KHDRBS3: variants seen among roughly 807,000 people sequenced by gnomAD.
KHDRBS3 encodes KH domain-containing, RNA-binding, signal transduction-associated protein 3.
A neutral mutation model predicts 45.6 loss-of-function variants in KHDRBS3; 23 were observed. The observed-to-expected ratio is 0.50, with a 90% CI of 0.36 to 0.72. The LOEUF is 0.72. Ranked by LOEUF, KHDRBS3 falls within the 30% of genes least tolerant of loss-of-function variation. The probability of loss-of-function intolerance (pLI) is 0.00; values close to 1 mark genes in which losing one functional copy is unlikely to be tolerated. For synonymous variants in KHDRBS3, 162 were observed against 156.5 expected (o/e 1.04, Z -0.26); for missense variants, 352 against 424.8 (o/e 0.83, Z 1.51).
intron 1 of KHDRBS3, among the ~76,000 whole-genome samples, chr8:135,477,547 T>C (rs1207430692): frequency 6.6e-6 from 1 of 152,242 alleles, no homozygotes; most frequent in Non-Finnish European, 1.5e-5. Context: ...CCTGATGAGC[T>C]CAGTGACATG....
intron 1 of KHDRBS3, among the ~76,000 whole-genome samples, chr8:135,477,967 T>C (rs1403391617): frequency 1.3e-5 from 2 of 152,226 alleles, no homozygotes; most frequent in Non-Finnish European, 2.9e-5. Context: ...CATTACCACC[T>C]GAGCGCTGCC....
intron 1 of KHDRBS3, among the ~76,000 whole-genome samples, chr8:135,480,417 T>G (rs1441355775): frequency 6.6e-6 from 1 of 152,148 alleles, no homozygotes; most frequent in African/African-American, 2.4e-5. Flanking sequence ...CTAATTAATT[T>G]TAGGACATTT....
intron 3 of KHDRBS3, among the ~76,000 whole-genome samples, chr8:135,545,740 C>T (rs919969274): frequency 2.0e-5 from 3 of 152,166 alleles, no homozygotes; most frequent in African/African-American, 4.8e-5. Flanking sequence ...ATTTTTGTCC[C>T]ATACTGCGCT....
At chr8:135,513,569 GT>G in intron 1 of KHDRBS3, among the ~76,000 whole-genome samples, 1 of 151,988 alleles carries the variant, frequency 6.6e-6, no homozygotes, top group East Asian at 1.9e-4. Flanking sequence ...ACTCTCTGAG[GT>G]TTTATGTTTT....
chr8:135,496,723 T>C (rs116801174), intron 1 of KHDRBS3, among the ~76,000 whole-genome samples: 17 of 152,332 alleles, frequency 1.1e-4, no homozygotes, highest in African/African-American at 4.1e-4. Context: ...ACAAAGTGGT[T>C]TAAAACAGTG....
intron 7 of KHDRBS3, among the ~76,000 whole-genome samples, chr8:135,632,301 G>T (rs1830637720): frequency 2.0e-5 from 3 of 152,080 alleles, no homozygotes; most frequent in Non-Finnish European, 4.4e-5. Context: ...CACCATCTCA[G>T]AGCCTCTGGG....
chr8:135,540,839 T>C (rs1826012434), intron 2 of KHDRBS3: 1 of 152,156 alleles, frequency 6.6e-6, no homozygotes, highest in Non-Finnish European at 1.5e-5. Flanking sequence ...GAACTTCCAG[T>C]CAGCAATCCG....
At chr8:135,531,310 G>A (rs1825463251) in intron 2 of KHDRBS3, among the ~76,000 whole-genome samples, 1 of 151,984 alleles carries the variant, frequency 6.6e-6, no homozygotes, top group Non-Finnish European at 1.5e-5. Context: ...AGTCAATGGA[G>A]TAACACCAAA....
intron 1 of KHDRBS3, among the ~76,000 whole-genome samples, chr8:135,515,860 A>G (rs908259584): frequency 6.6e-6 from 1 of 152,202 alleles, no homozygotes; most frequent in Non-Finnish European, 1.5e-5. Context: ...TCTGTACCCT[A>G]TCTACTTTGT....
chr8:135,622,933 C>T (rs937416737), intron 7 of KHDRBS3, among the ~76,000 whole-genome samples: 7 of 152,204 alleles, frequency 4.6e-5, no homozygotes, highest in African/African-American at 1.7e-4. Flanking sequence ...ATTTCATTTG[C>T]GGCAGCCTTC....
intron 6 of KHDRBS3, among the ~76,000 whole-genome samples, chr8:135,583,731 A>G (rs908686786): frequency 6.6e-6 from 1 of 152,174 alleles, no homozygotes; most frequent in Non-Finnish European, 1.5e-5. Context: ...TCCATTCAAT[A>G]AAGATTGGAT....
intron 7 of KHDRBS3, among the ~76,000 whole-genome samples, chr8:135,628,225 G>C (rs1037338177): frequency 6.6e-6 from 1 of 151,854 alleles, no homozygotes. Flanking sequence ...TCCATTCCCC[G>C]GTTGACACTT....
chr8:135,522,510 G>A (rs893419401), intron 2 of KHDRBS3, among the ~76,000 whole-genome samples: 1 of 152,148 alleles, frequency 6.6e-6, no homozygotes, highest in African/African-American at 2.4e-5. Flanking sequence ...CTTATACCTT[G>A]TACCATTTCC....
Position 135,529,486 on chromosome 8 carries a change from GTGAAAATAAAATTGAAATT to G in KHDRBS3, c.207+8145_207+8163del, listed in dbSNP as rs569995438. ...CTTGAACTTAAATTTGAAACTTAAA[GTGAAAATAAAATTGAAATT>G]TGAAAATAAAATTTTCAGTAAAATT... On this transcript the variant is annotated intron_variant, in intron 2 of 8. Transcript: ENST00000355849. Among the ~76,000 whole-genome samples the G allele has an allele frequency of 5.8e-3, 878 of 152,220 alleles. 4 individuals carry two copies. The highest frequency in any genetic ancestry group is 0.01 in the Middle Eastern group (3 of 294).
At chr8:135,598,171 G>A (rs1490123462) in intron 6 of KHDRBS3, among the ~76,000 whole-genome samples, 16 of 152,166 alleles carry the variant, frequency 1.1e-4, no homozygotes, top group Admixed American at 1.0e-3. Context: ...AAAGTTTTAA[G>A]AATTCATCAT....
At chr8:135,572,598 CCAG>C (rs1466179509) in intron 5 of KHDRBS3, among the ~76,000 whole-genome samples, 4 of 152,198 alleles carry the variant, frequency 2.6e-5, no homozygotes, top group Non-Finnish European at 4.4e-5. Flanking sequence ...GGTTTGCAGA[CCAG>C]CAGCAGTGCT....
intron 5 of KHDRBS3, among the ~76,000 whole-genome samples, chr8:135,564,910 G>T (rs531522668): frequency 2.6e-5 from 4 of 152,120 alleles, no homozygotes; most frequent in Admixed American, 2.6e-4. Context: ...GACACAAGAC[G>T]CAAACACAGG....
chr8:135,615,690 A>G (rs915073834), intron 7 of KHDRBS3, among the ~76,000 whole-genome samples: 6 of 152,254 alleles, frequency 3.9e-5, no homozygotes, highest in Non-Finnish European at 7.3e-5. Context: ...GATTATTGCT[A>G]TAATTCAGTG....
chr8:135,489,732 A>T (rs753316012), intron 1 of KHDRBS3, among the ~76,000 whole-genome samples: 6 of 152,186 alleles, frequency 3.9e-5, no homozygotes, highest in Non-Finnish European at 8.8e-5. Flanking sequence ...AAAAAACAAA[A>T]GTTTATAAAG....
Sources: gnomAD v4.1 joint callset for allele counts (sites outside exome capture counted in the v4.1 genomes callset) on GRCh38, gnomAD v4.1.1 for gene constraint, MANE v1.5 for transcripts, NCBI Gene and HGNC (gene_info 2026-07-23, HGNC 2026-07-21) for gene names.